The following KCNIP4 variants were observed in gnomAD, a reference collection of about 807,000 sequenced individuals.
KCNIP4 encodes Kv channel-interacting protein 4.
KCNIP4 carries 12 observed loss-of-function variants against 34.0 expected under a neutral mutation model. The observed-to-expected ratio is 0.35, with a 90% confidence interval of 0.23 to 0.57. KCNIP4 has a LOEUF of 0.57. KCNIP4 is among the 20% of genes least tolerant of loss of function. KCNIP4 has a pLI of 0.83. For missense variants in KCNIP4, 238 were observed against 311.7 expected (o/e 0.76, Z 1.78); for synonymous variants, 124 against 102.2 (o/e 1.21, Z -1.29).
rs188342718 is a variant in KCNIP4 at position 21,511,635 on chromosome 4, G to A, written c.61+436936C>T. Among the ~76,000 whole-genome samples the A allele has an allele frequency of 1.8e-3, 277 of 152,150 alleles. 2 individuals are homozygous for A. The highest frequency in any genetic ancestry group is 4.6e-3 in the Admixed American group (70 of 15,270). On this transcript the variant is annotated intron_variant, in intron 1 of 8. Coordinates refer to ENST00000382152, the MANE Select transcript of KCNIP4 (RefSeq NM_025221.6). ...ATCTTCAACTGAAGATGGCAATAAC[G>A]CTCCTTGTAAGTAGGACAACGGGAG...
chr4:20,934,037 T>C (rs559097732), intron 1 of KCNIP4, among the ~76,000 whole-genome samples: 7 of 152,334 alleles, frequency 4.6e-5, no homozygotes, highest in African/African-American at 1.7e-4. Flanking sequence ...GGTACTTTAT[T>C]CAAGTAAGTA....
chr4:21,265,619 G>T (rs1410678449), intron 1 of KCNIP4, among the ~76,000 whole-genome samples: 2 of 152,094 alleles, frequency 1.3e-5, no homozygotes, highest in Non-Finnish European at 2.9e-5. Flanking sequence ...TGTTTTCAAT[G>T]GTCAAATTAG....
intron 1 of KCNIP4, among the ~76,000 whole-genome samples, chr4:21,088,279 T>C (rs1469742988): frequency 2.0e-5 from 3 of 152,050 alleles, no homozygotes; most frequent in Admixed American, 2.0e-4. Context: ...AGGTAGAACT[T>C]TTAAAGCTAA....
intron 1 of KCNIP4, among the ~76,000 whole-genome samples, chr4:21,645,265 G>A (rs1454313782): frequency 6.6e-6 from 1 of 152,054 alleles, no homozygotes; most frequent in African/African-American, 2.4e-5. Flanking sequence ...ATACAGACAG[G>A]TTAAATAAAT....
intron 3 of KCNIP4, among the ~76,000 whole-genome samples, chr4:20,790,284 G>C (rs559819123): frequency 6.6e-6 from 1 of 152,270 alleles, no homozygotes; most frequent in Non-Finnish European, 1.5e-5. Flanking sequence ...TGCTCTGGGT[G>C]AATCAACAAA....
intron 5 of KCNIP4, among the ~76,000 whole-genome samples, chr4:20,741,503 G>C (rs1457414213): frequency 6.6e-6 from 1 of 152,174 alleles, no homozygotes; most frequent in Non-Finnish European, 1.5e-5. Context: ...CAGAAATAAA[G>C]ATGTTCTTTG....
chr4:21,820,067 A>G lies in KCNIP4; in HGVS notation c.61+128504T>C, dbSNP rs941731439. 5.9e-5 allele frequency among the ~76,000 whole-genome samples: 9 copies of G among 152,036 alleles called. No homozygotes were observed. The South Asian group carries it at 1.0e-3, about 18-fold the overall frequency. The stretch of plus-strand genomic sequence containing the variant: ...TAAAAATAATGAATTGTTTCACTCT[A>G]TTAGTTTGGGTTAGAAAGTTAAAAA... On this transcript the variant is annotated intron_variant, in intron 1 of 8. Coordinates refer to ENST00000382152, the MANE Select transcript of KCNIP4 (RefSeq NM_025221.6).
intron 1 of KCNIP4, among the ~76,000 whole-genome samples, chr4:21,204,635 C>G (rs1756718509): frequency 6.6e-6 from 1 of 152,082 alleles, no homozygotes; most frequent in Admixed American, 6.6e-5. Flanking sequence ...TAAATTCAAC[C>G]TCTGAGTCAG....
At chr4:21,682,536 C>T (rs1750448216) in intron 1 of KCNIP4, among the ~76,000 whole-genome samples, 1 of 152,160 alleles carries the variant, frequency 6.6e-6, no homozygotes. Context: ...TAATTTCCTA[C>T]TAGAACTTTT....
chr4:21,021,879 A>AGTATC (rs1740093431), intron 1 of KCNIP4, among the ~76,000 whole-genome samples: 1 of 151,560 alleles, frequency 6.6e-6, no homozygotes, highest in South Asian at 2.1e-4. Flanking sequence ...AGTATAGTAT[A>AGTATC]GTATAGTATA....
intron 1 of KCNIP4, among the ~76,000 whole-genome samples, chr4:21,218,077 A>C (rs1325987180): frequency 6.6e-6 from 1 of 151,050 alleles, no homozygotes; most frequent in Non-Finnish European, 1.5e-5. Context: ...GTGCAATGGT[A>C]GGATCTCGGC....
rs369499460 is a variant in KCNIP4, at chr4:21,617,929, C to T, written c.61+330642G>A. On this transcript the variant is annotated intron_variant, in intron 1 of 8. Coordinates refer to ENST00000382152, the MANE Select transcript of KCNIP4 (RefSeq NM_025221.6). ...TTCAGGCCTCTGTGAGTTTGAATTA[C>T]CTGACAGGTATTGAGAAAATTATTT... Among the ~76,000 whole-genome samples the T allele has an allele frequency of 5.9e-5, 9 of 152,204 alleles. No individual in the cohort carries two copies. The South Asian group carries it at 1.7e-3, about 28-fold the overall frequency.
intron 3 of KCNIP4, among the ~76,000 whole-genome samples, chr4:20,795,221 T>C (rs1291528976): frequency 6.6e-6 from 1 of 152,162 alleles, no homozygotes; most frequent in African/African-American, 2.4e-5. Context: ...GTCTTCTTTA[T>C]GGGAAGATAG....
intron 1 of KCNIP4, chr4:21,845,528 T>C (rs539158392): frequency 6.6e-6 from 1 of 152,098 alleles, no homozygotes; most frequent in Non-Finnish European, 1.5e-5. Flanking sequence ...GAAAATTCTT[T>C]TTTCCAAAAG....
At chr4:20,751,492 G>T (rs991198781) in intron 4 of KCNIP4, among the ~76,000 whole-genome samples, 6 of 152,000 alleles carry the variant, frequency 3.9e-5, no homozygotes, top group African/African-American at 1.4e-4. Context: ...GTGCCCTCTG[G>T]AGATGTGAAT....
At chr4:21,251,526 C>T (rs535848257) in intron 1 of KCNIP4, among the ~76,000 whole-genome samples, 108 of 151,744 alleles carry the variant, frequency 7.1e-4, no homozygotes, top group African/African-American at 8.5e-4. Flanking sequence ...AAATTTTGCC[C>T]GGGGTAAAAA....
intron 1 of KCNIP4, among the ~76,000 whole-genome samples, chr4:21,656,057 T>C (rs1447890036): frequency 1.3e-5 from 2 of 152,184 alleles, no homozygotes; most frequent in East Asian, 1.9e-4. Context: ...CAGAAATATA[T>C]TGTCTCACAG....
Position 21,501,688 on chromosome 4 carries a change from T to TTGTGTGTGTATGTGTGTGTG in KCNIP4, c.61+446882_61+446883insCACACACACATACACACACA, listed in dbSNP as rs1553893353. On this transcript the variant is annotated intron_variant, in intron 1 of 8. Transcript: ENST00000382152. ...TTCACATTTTGGGAATGCAGAAGCC[T>TTGTGTGTGTATGTGTGTGTG]TGTGTGTGTGTGTGTGTGTGTGTGT... is the stretch of plus-strand genomic sequence containing the variant. Among the ~76,000 whole-genome samples, 155 of 127,320 alleles carry TTGTGTGTGTATGTGTGTGTG rather than the reference T, an allele frequency of 1.2e-3. 2 individuals carry two copies. The East Asian group carries it at 0.018, about 15-fold the overall frequency. The allele number at this position is 127,320 out of a possible 152,430, so 83.5% of individuals were successfully genotyped here.
intron 1 of KCNIP4, among the ~76,000 whole-genome samples, chr4:21,750,286 C>T (rs888409225): frequency 2.0e-5 from 3 of 152,264 alleles, no homozygotes; most frequent in Admixed American, 1.3e-4. Context: ...GCATTTCAAA[C>T]ATGCCAAAAA....
Sources: allele counts gnomAD v4.1 joint callset (sites outside exome capture counted in the v4.1 genomes callset), GRCh38; gene constraint gnomAD v4.1.1; transcripts MANE v1.5; gene names NCBI Gene and HGNC (gene_info 2026-07-23, HGNC 2026-07-21).